Variants in CRISPLD2 observed in about 807,000 individuals in gnomAD.
CRISPLD2 encodes cysteine rich secretory protein LCCL domain containing 2, also known as cysteine-rich secretory protein LCCL domain-containing 2.
Under a neutral mutation model 71.1 loss-of-function variants are expected in CRISPLD2, and 47 were observed. The ratio of observed to expected loss-of-function variants is 0.66; its 90% CI spans 0.52 to 0.84. The LOEUF is 0.84. Ranked by LOEUF, CRISPLD2 falls within the 40% of genes least tolerant of loss-of-function variation. The pLI, the probability that CRISPLD2 is intolerant of heterozygous loss-of-function variation, is 0.00. For synonymous variants in CRISPLD2, 317 were observed against 250.1 expected, an observed-to-expected ratio of 1.27 and a Z score of -2.52; for missense variants, 830 against 651.1, an observed-to-expected ratio of 1.27 and a Z score of -2.99.
At chr16:84,863,534 G>A (rs1917447035) in intron 6 of CRISPLD2, among the ~76,000 whole-genome samples, 1 of 152,228 alleles carries the variant, frequency 6.6e-6, no homozygotes, top group African/African-American at 2.4e-5. Context: ...AGGCTTTGGG[G>A]AAAGGTGGTT....
intron 6 of CRISPLD2, among the ~76,000 whole-genome samples, chr16:84,855,325 G>C (rs886270603): frequency 1.3e-5 from 2 of 152,022 alleles, no homozygotes; most frequent in Admixed American, 1.3e-4. Context: ...TTAAACTCAC[G>C]TGATCACAAG....
At chr16:84,894,823 G>T (rs1265176660) in intron 14 of CRISPLD2, among the ~76,000 whole-genome samples, 1 of 151,932 alleles carries the variant, frequency 6.6e-6, no homozygotes, top group African/African-American at 2.4e-5. Context: ...GCCCATTTTG[G>T]GTCTCAGTGA....
chr16:84,853,258 G>A (rs1917138606), intron 5 of CRISPLD2, among the ~76,000 whole-genome samples: 1 of 152,192 alleles, frequency 6.6e-6, no homozygotes, highest in African/African-American at 2.4e-5. Flanking sequence ...ACGATCATCT[G>A]AGAAACCTAC....
At chr16:84,858,446 G>C (rs1917298217) in intron 6 of CRISPLD2, among the ~76,000 whole-genome samples, 1 of 152,176 alleles carries the variant, frequency 6.6e-6, no homozygotes, top group Non-Finnish European at 1.5e-5. Flanking sequence ...ACCTTAGAAG[G>C]AATACCTTAA....
At chr16:84,853,249 C>T (rs1193537694) in intron 5 of CRISPLD2, among the ~76,000 whole-genome samples, 1 of 152,096 alleles carries the variant, frequency 6.6e-6, no homozygotes, top group African/African-American at 2.4e-5. Flanking sequence ...GACAGGGCCA[C>T]GATCATCTGA....
At chr16:84,876,215 T>C (rs2071516890) in intron 11 of CRISPLD2, among the ~76,000 whole-genome samples, 1 of 152,164 alleles carries the variant, frequency 6.6e-6, no homozygotes, top group Non-Finnish European at 1.5e-5. Context: ...AGAAAAAGTT[T>C]ACCTGGCCGG....
intron 11 of CRISPLD2, among the ~76,000 whole-genome samples, chr16:84,875,257 A>G (rs1301208332): frequency 6.7e-6 from 1 of 148,220 alleles, no homozygotes; most frequent in Non-Finnish European, 1.5e-5. Context: ...ATATATACAT[A>G]TGTGTGTGTG....
At chr16:84,902,776 T>TTTC (rs1336624624) in intron 14 of CRISPLD2, among the ~76,000 whole-genome samples, 1 of 132,800 alleles carries the variant, frequency 7.5e-6, no homozygotes, top group African/African-American at 3.0e-5. Flanking sequence ...CCATTGCTTT[T>TTTC]TTTTTTTTTT....
chr16:84,889,739 CG>C (rs1567702950), intron 14 of CRISPLD2, among the ~76,000 whole-genome samples: 1 of 145,546 alleles, frequency 6.9e-6, no homozygotes, highest in African/African-American at 2.6e-5. Context: ...TGCGTCCTTC[CG>C]GTTGTTTTTC....
intron 6 of CRISPLD2, 54 bp from the exon 7 acceptor site, chr16:84,866,843 C>G: frequency 6.4e-7 from 1 of 1,550,774 alleles, no homozygotes; most frequent in Non-Finnish European, 8.8e-7. Flanking sequence ...CCCCAAAGTG[C>G]GTTTTTGTTG....
chr16:84,839,530 G>A (rs1044224502), intron 2 of CRISPLD2: 4 of 153,366 alleles, frequency 2.6e-5, no homozygotes, highest in African/African-American at 9.6e-5. Flanking sequence ...CCTAGGCTTT[G>A]CTAACCGGGA....
At chr16:84,906,113 T>G (rs1258142175) in intron 14 of CRISPLD2, among the ~76,000 whole-genome samples, 1 of 152,122 alleles carries the variant, frequency 6.6e-6, no homozygotes, top group Non-Finnish European at 1.5e-5. Flanking sequence ...TCTCTTTATT[T>G]CCTGGTGTCT....
intron 12 of CRISPLD2, among the ~76,000 whole-genome samples, chr16:84,878,116 C>T (rs2071536713): frequency 6.6e-6 from 1 of 151,286 alleles, no homozygotes; most frequent in Non-Finnish European, 1.5e-5. Flanking sequence ...CCCAGCTACT[C>T]GGGAGTCTGA....
intron 13 of CRISPLD2, among the ~76,000 whole-genome samples, chr16:84,882,843 C>T (rs2071580538): frequency 2.6e-5 from 4 of 152,202 alleles, no homozygotes; most frequent in Admixed American, 1.3e-4. Context: ...ACAGTGAGCA[C>T]GTGGCAAAGG....
At chr16:84,833,801 G>T (rs1435687432) in intron 1 of CRISPLD2, among the ~76,000 whole-genome samples, 1 of 152,164 alleles carries the variant, frequency 6.6e-6, no homozygotes, top group Non-Finnish European at 1.5e-5. Context: ...GTGACACGTT[G>T]GTGCCTTCTC....
At chr16:84,901,454 C>G (rs1410824830) in intron 14 of CRISPLD2, among the ~76,000 whole-genome samples, 1 of 149,164 alleles carries the variant, frequency 6.7e-6, no homozygotes, top group Non-Finnish European at 1.5e-5. Flanking sequence ...GTGGAAAGAA[C>G]ACTCCTGGCT....
At chr16:84,858,736 C>T (rs1160341873) in intron 6 of CRISPLD2, among the ~76,000 whole-genome samples, 2 of 152,234 alleles carry the variant, frequency 1.3e-5, no homozygotes, top group Non-Finnish European at 2.9e-5. Flanking sequence ...AATAAAGATA[C>T]ATTGCTGGCC....
intron 2 of CRISPLD2, among the ~76,000 whole-genome samples, chr16:84,843,292 C>T (rs1916825786): frequency 6.6e-6 from 1 of 152,224 alleles, no homozygotes; most frequent in Non-Finnish European, 1.5e-5. Context: ...CCCCTCTGCT[C>T]TGGTTCACAC....
intron 1 of CRISPLD2, among the ~76,000 whole-genome samples, chr16:84,837,624 A>G (rs906490821): frequency 4.6e-5 from 7 of 151,950 alleles, no homozygotes; most frequent in South Asian, 2.1e-4. Context: ...TCATCGTGTT[A>G]GCCAGGATGG....
Sources: allele counts gnomAD v4.1 joint callset (sites outside exome capture counted in the v4.1 genomes callset), GRCh38; gene constraint gnomAD v4.1.1; transcripts MANE v1.5; gene names NCBI Gene and HGNC (gene_info 2026-07-23, HGNC 2026-07-21).